The following PIP5K1B variants were observed in gnomAD, a reference collection of about 807,000 sequenced individuals.
PIP5K1B encodes phosphatidylinositol 4-phosphate 5-kinase type-1 beta.
PIP5K1B carries 42 observed loss-of-function variants against 67.0 expected under a neutral mutation model. The ratio of observed to expected loss-of-function variants is 0.63; its 90% CI spans 0.49 to 0.81. The LOEUF (loss-of-function observed/expected upper bound fraction) is 0.81, where lower values mean the gene tolerates loss of function less well. PIP5K1B is among the 30% of genes least tolerant of loss of function. The probability of loss-of-function intolerance (pLI) is 0.00; values close to 1 mark genes in which losing one functional copy is unlikely to be tolerated. For synonymous variants in PIP5K1B, 214 were observed against 231.4 expected (o/e 0.92, Z 0.68); for missense variants, 459 against 646.3 (o/e 0.71, Z 3.14).
At chr9:68,759,985 CAG>C (rs923051468) in intron 2 of PIP5K1B, among the ~76,000 whole-genome samples, 1 of 152,008 alleles carries the variant, frequency 6.6e-6, no homozygotes, top group African/African-American at 2.4e-5. Context: ...AAGCAGCAAA[CAG>C]GGTTGGTCAG....
At chr9:68,898,148 A>G (rs1825181722) in intron 8 of PIP5K1B, among the ~76,000 whole-genome samples, 1 of 152,102 alleles carries the variant, frequency 6.6e-6, no homozygotes. Flanking sequence ...CAACTCCTCC[A>G]TGTAGCACAT....
At chr9:68,820,202 G>A (rs1833666146) in intron 3 of PIP5K1B, among the ~76,000 whole-genome samples, 1 of 152,166 alleles carries the variant, frequency 6.6e-6, no homozygotes, top group South Asian at 2.1e-4. Context: ...AACAGTTGAA[G>A]GCCTGTATTT....
chr9:68,894,470 A>G lies in PIP5K1B; in HGVS notation c.603A>G (p.Thr201=), dbSNP rs1203837804. ...CACGCTCCATGAGAATGCACTTTAC[A>G]TATGACTTGAAAGGCTCAACGTATA... ...VLPRSMRMHF[T]YDLKGSTYKR... is the part of the protein sequence containing the mutation. Residue 201 remains threonine, a synonymous_variant, in exon 8 of 16, where the codon ACA becomes ACG. Coordinates refer to ENST00000265382, the MANE Select transcript of PIP5K1B (RefSeq NM_003558.4). The G allele has an allele frequency of 3.1e-6, 5 of 1,614,192 alleles. No individual in the cohort carries two copies. The highest frequency in any genetic ancestry group is 3.4e-6 in the Non-Finnish European group (4 of 1,180,020).
rs200797718 is a variant in PIP5K1B at position 68,918,087 on chromosome 9, A to ATTTTTTTTTTTTTTTTTT, written c.983+331_983+332insTTTTTTTTTTTTTTTTTT. Among the ~76,000 whole-genome samples, 2 of 133,016 alleles carry ATTTTTTTTTTTTTTTTTT rather than the reference A, an allele frequency of 1.5e-5. 1 individual carries two copies. 87.3% of individuals were successfully genotyped at this position (133,016 alleles called of 152,430 possible). On this transcript the variant is annotated intron_variant, in intron 9 of 15. Transcript: ENST00000265382. ...TTTGAATAAACATGTTTTATTGTTT[A>ATTTTTTTTTTTTTTTTTT]TTTATTTATTTTTTTTTTTTGAGAC...
intron 6 of PIP5K1B, among the ~76,000 whole-genome samples, chr9:68,881,549 G>A (rs889244859): frequency 6.6e-6 from 1 of 152,182 alleles, no homozygotes; most frequent in African/African-American, 2.4e-5. Flanking sequence ...TTGAATACCT[G>A]CGATATGTGT....
chr9:68,785,823 C>G (rs967104721), intron 2 of PIP5K1B, among the ~76,000 whole-genome samples: 4 of 152,136 alleles, frequency 2.6e-5, no homozygotes, highest in Non-Finnish European at 5.9e-5. Context: ...AATTAGCATC[C>G]TTGATGGATG....
chr9:68,706,818 T>C (rs1057107544), intron 1 of PIP5K1B, among the ~76,000 whole-genome samples: 28 of 151,932 alleles, frequency 1.8e-4, no homozygotes, highest in African/African-American at 6.8e-4. Context: ...GAACCCCTTT[T>C]GTCCCTCTAA....
At chr9:68,779,992 G>C in intron 2 of PIP5K1B, 3 of 835,504 alleles carry the variant, frequency 3.6e-6, no homozygotes, top group Non-Finnish European at 5.1e-6. Flanking sequence ...GCATTAAGCA[G>C]GCGCCGCGAG....
At chr9:68,889,734 CAAAAAAAAAAAA>C (rs11349016) in intron 7 of PIP5K1B, among the ~76,000 whole-genome samples, 2 of 79,756 alleles carry the variant, frequency 2.5e-5, no homozygotes, top group Non-Finnish European at 5.1e-5. Flanking sequence ...GACTCCTTCT[CAAAAAAAAAAAA>C]AAAAAAAAGC....
At chr9:68,971,084 G>A (rs889042897) in intron 14 of PIP5K1B, among the ~76,000 whole-genome samples, 13 of 152,082 alleles carry the variant, frequency 8.5e-5, no homozygotes. Context: ...CATGTGCCAT[G>A]GTGGTTTGCT....
chr9:68,917,519 C>A, intron 8 of PIP5K1B, 29 bp from the exon 9 acceptor site: 1 of 1,563,966 alleles, frequency 6.4e-7, no homozygotes, highest in Non-Finnish European at 8.8e-7. Context: ...TTTGGGTTGA[C>A]TGGCTTCCTG....
intron 8 of PIP5K1B, among the ~76,000 whole-genome samples, chr9:68,907,024 T>C (rs931816856): frequency 6.6e-6 from 1 of 152,238 alleles, no homozygotes; most frequent in Non-Finnish European, 1.5e-5. Context: ...TCCACTCAGA[T>C]GTGCGGGGAA....
intron 7 of PIP5K1B, 113 bp downstream of exon 7, chr9:68,889,246 GC>G: frequency 9.4e-6 from 7 of 744,368 alleles, no homozygotes; most frequent in South Asian, 7.4e-5. Context: ...TCTTTGGTAA[GC>G]TTTATTCTGC....
In PIP5K1B at chr9:68,876,677, C is replaced by T. The variant is rs368667091; in HGVS notation, c.201C>T (p.Ser67=). 1.6e-5 allele frequency: 24 copies of T among 1,529,182 alleles called. No individual in the cohort carries two copies. The highest frequency in any genetic ancestry group is 1.1e-4 in the East Asian group (5 of 44,462). The allele number at this position is 1,529,182 out of a possible 1,614,324, so 94.7% of individuals were successfully genotyped here. A position where few individuals can be genotyped will look rare whatever the true frequency, so the allele number is the denominator to read the frequency against. Residue 67 remains serine (S), a splice_region_variant and synonymous_variant, in exon 6 of 16, where the codon AGC becomes AGT. Coordinates refer to ENST00000265382, the MANE Select transcript of PIP5K1B (RefSeq NM_003558.4). ...FYVVESVFLP[S]EGSNLTPAHH... ...TCTCTTTTTAATATTTTGACTTCAG[C>T]GAAGGGAGCAATCTGACCCCAGCAC...
chr9:68,898,890 C>T (rs1352872124), intron 8 of PIP5K1B, among the ~76,000 whole-genome samples: 1 of 152,164 alleles, frequency 6.6e-6, no homozygotes, highest in African/African-American at 2.4e-5. Flanking sequence ...CATTGCCTTC[C>T]ATCACATCCC....
At chr9:68,928,369 T>C (rs1826815325) in intron 12 of PIP5K1B, among the ~76,000 whole-genome samples, 1 of 152,246 alleles carries the variant, frequency 6.6e-6, no homozygotes, top group South Asian at 2.1e-4. Flanking sequence ...AAGATAGTGT[T>C]GAATTTGGGG....
In PIP5K1B at chr9:68,944,762, ACT is replaced by A. The variant is rs559952253; in HGVS notation, c.1502+3975_1502+3976del. Reference sequence around the variant, plus strand: ...ATAAACCTAGAACAGGGGTGGAAACACTCTAACCAGAAGCCCTTCCCCACAAA... The same window carrying A: ...ATAAACCTAGAACAGGGGTGGAAACACTAACCAGAAGCCCTTCCCCACAAA... On this transcript the variant is annotated intron_variant, in intron 14 of 15. Coordinates refer to ENST00000265382, the MANE Select transcript of PIP5K1B (RefSeq NM_003558.4). Among the ~76,000 whole-genome samples the A allele has an allele frequency of 4.0e-3, 605 of 152,252 alleles. 3 individuals carry two copies. The highest frequency in any genetic ancestry group is 3.7e-3 in the Non-Finnish European group (250 of 68,020).
At chr9:68,753,342 AT>A (rs398010785) in intron 2 of PIP5K1B, among the ~76,000 whole-genome samples, 102 of 133,850 alleles carry the variant, frequency 7.6e-4, no homozygotes, top group Middle Eastern at 3.7e-3. Context: ...CATTTTCTTG[AT>A]TTTTTTTTTT....
intron 4 of PIP5K1B, among the ~76,000 whole-genome samples, chr9:68,861,874 A>C (rs1024148564): frequency 6.6e-5 from 10 of 150,746 alleles, no homozygotes; most frequent in Non-Finnish European, 1.2e-4. Context: ...TTAAAATAGC[A>C]GGGGGTTTTT....
Sources: gnomAD v4.1 joint callset for allele counts (sites outside exome capture counted in the v4.1 genomes callset) on GRCh38, gnomAD v4.1.1 for gene constraint, MANE v1.5 for transcripts, NCBI Gene and HGNC (gene_info 2026-07-23, HGNC 2026-07-21) for gene names.